The following LPAR1 variants were observed in gnomAD, a reference collection of about 807,000 sequenced individuals.
LPAR1 encodes the protein LPA receptor 1.
Under a neutral mutation model 23.8 loss-of-function variants are expected in LPAR1, and 5 were observed. That is an observed-to-expected ratio of 0.21 (90% confidence interval 0.11 to 0.44). The LOEUF is 0.44. Ranked by LOEUF, LPAR1 falls within the 20% of genes least tolerant of loss-of-function variation. LPAR1 has a pLI of 0.99. For synonymous variants in LPAR1, 160 were observed against 164.7 expected, an observed-to-expected ratio of 0.97 and a Z score of 0.22; for missense variants, 311 against 482.8, an observed-to-expected ratio of 0.64 and a Z score of 3.33.
At chr9:111,007,658 CA>C (rs1204491204) in intron 2 of LPAR1, among the ~76,000 whole-genome samples, 1 of 152,094 alleles carries the variant, frequency 6.6e-6, no homozygotes, top group Non-Finnish European at 1.5e-5. Flanking sequence ...GCACTGTGAT[CA>C]GGGGTTTCAG....
rs1421479710 is a variant in LPAR1 at position 110,941,401 on chromosome 9, A to G, written c.793+20T>C. ...TCACTGAGAATCTATAAAGTAAGTT[A>G]CAGTCAAGACAGAACTTACCAAGCA... On this transcript the variant is annotated intron_variant, in intron 5 of 5. Transcript: ENST00000683809. This position sits in a 1 kb window ranked among gnomAD's most constrained non-coding sequence, Gnocchi z 6.1. 1 of 1,578,602 alleles carries G rather than the reference A, an allele frequency of 6.3e-7. No individual in the cohort carries two copies. The highest frequency in any genetic ancestry group is 8.6e-7 in the Non-Finnish European group (1 of 1,162,714).
chr9:110,944,297 G>A (rs1261507032), intron 4 of LPAR1, among the ~76,000 whole-genome samples: 1 of 152,056 alleles, frequency 6.6e-6, no homozygotes, highest in Non-Finnish European at 1.5e-5. Context: ...CCCTATAAAC[G>A]CAGAGATTCT....
chr9:110,969,134 G>A (rs1489253684), intron 4 of LPAR1, among the ~76,000 whole-genome samples: 1 of 152,060 alleles, frequency 6.6e-6, no homozygotes, highest in African/African-American at 2.4e-5. Flanking sequence ...TAAGGAATAA[G>A]ATTTTGTTGG....
intron 2 of LPAR1, among the ~76,000 whole-genome samples, chr9:111,035,378 T>C (rs1023827917): frequency 5.3e-5 from 8 of 152,054 alleles, no homozygotes; most frequent in African/African-American, 1.9e-4. Flanking sequence ...CATGCCACCA[T>C]ACCCAGCTAA....
chr9:111,006,959 A>T (rs1273838068), intron 2 of LPAR1, among the ~76,000 whole-genome samples: 1 of 152,058 alleles, frequency 6.6e-6, no homozygotes, highest in Non-Finnish European at 1.5e-5. Context: ...ATGGTTCTGG[A>T]ACATTCTCTT....
In LPAR1 at chr9:111,013,122, A is replaced by G. The variant is rs114593316; in HGVS notation, c.-182+23000T>C. The stretch of plus-strand genomic sequence containing the variant: ...TTTTTTAATTCCAGGATAAGGATCA[A>G]ATTTATTTCCTCATAGAACAAGAAG... On this transcript the variant is annotated intron_variant, in intron 2 of 5. Coordinates refer to ENST00000683809, the MANE Select transcript of LPAR1 (RefSeq NM_001351411.2). Among the ~76,000 whole-genome samples, 674 of 152,290 alleles carry G rather than the reference A, an allele frequency of 4.4e-3. 7 individuals are homozygous for G. The highest frequency in any genetic ancestry group is 0.017 in the Middle Eastern group (5 of 294).
chr9:110,893,779 A>G (rs2085334096), intron 5 of LPAR1, among the ~76,000 whole-genome samples: 2 of 152,180 alleles, frequency 1.3e-5, no homozygotes, highest in Admixed American at 6.5e-5. Flanking sequence ...TTTGTAACCA[A>G]AAGTGGTATG....
At chr9:111,038,734 C>T (rs1251212889), upstream of LPAR1, 7 of 442,466 alleles carry the variant, frequency 1.6e-5, no homozygotes, top group Admixed American at 1.7e-4. The surrounding 1 kb of genome is among the most constrained non-coding windows in gnomAD (Gnocchi z 4.4). Context: ...GTGGCAGGGC[C>T]GGGGCTGGGG....
rs563615830 is a variant in LPAR1, at chr9:110,918,291, T to C, written c.793+23130A>G. 8.5e-5 allele frequency among the ~76,000 whole-genome samples: 13 copies of C among 152,298 alleles called. No homozygotes were observed. In the South Asian group the frequency reaches 2.7e-3, roughly 32 times the overall value. On this transcript the variant is annotated intron_variant, in intron 5 of 5. Transcript: ENST00000683809. ...CTCTGTACACTTCTGTAAGACTGTT[T>C]ATGTAAGACTGCTATTGGACATAAG...
At chr9:110,992,268 T>C (rs2139711015) in intron 2 of LPAR1, among the ~76,000 whole-genome samples, 1 of 152,014 alleles carries the variant, frequency 6.6e-6, no homozygotes, top group Non-Finnish European at 1.5e-5. Context: ...AGAAGAGCAA[T>C]TAGGAAAAAT....
chr9:111,003,242 AT>A (rs1387531993), intron 2 of LPAR1, among the ~76,000 whole-genome samples: 1 of 152,204 alleles, frequency 6.6e-6, no homozygotes, highest in Non-Finnish European at 1.5e-5. Flanking sequence ...TATATAAAGT[AT>A]TTAAACCACA....
At chr9:111,024,233 C>T (rs2097634817) in intron 2 of LPAR1, among the ~76,000 whole-genome samples, 1 of 151,578 alleles carries the variant, frequency 6.6e-6, no homozygotes. Context: ...ATCTGAAGGG[C>T]GTAATATTAG....
At chr9:110,931,668 G>A (rs555475634) in intron 5 of LPAR1, among the ~76,000 whole-genome samples, 20 of 152,306 alleles carry the variant, frequency 1.3e-4, no homozygotes, top group Admixed American at 1.3e-3. Context: ...TAACATTTAA[G>A]TCTTTAATCC....
chr9:110,888,666 G>T (rs2083113012), intron 5 of LPAR1, among the ~76,000 whole-genome samples: 1 of 152,038 alleles, frequency 6.6e-6, no homozygotes, highest in African/African-American at 2.4e-5. Flanking sequence ...TTTTAGAGGG[G>T]AATAATATTT....
intron 5 of LPAR1, among the ~76,000 whole-genome samples, chr9:110,927,309 G>C (rs1159767838): frequency 6.6e-6 from 1 of 151,480 alleles, no homozygotes; most frequent in Non-Finnish European, 1.5e-5. Context: ...CATTTGTGTG[G>C]CACTTCCTAT....
rs145814736 is a variant in LPAR1 at position 110,960,984 on chromosome 9, A to T, written c.45+11089T>A. ...AAGGCTAATAACAATATATTTCCTT[A>T]TAAACTTGTTCCATTTCAATTTTTA... On this transcript the variant is annotated intron_variant, in intron 4 of 5. Coordinates refer to ENST00000683809, the MANE Select transcript of LPAR1 (RefSeq NM_001351411.2). Among the ~76,000 whole-genome samples the T allele has an allele frequency of 6.7e-3, 1,021 of 152,302 alleles. 10 individuals are homozygous for T. The highest frequency in any genetic ancestry group is 0.022 in the African/African-American group (921 of 41,566).
Position 110,978,022 on chromosome 9 carries a change from T to C in LPAR1, c.-181-4464A>G, listed in dbSNP as rs184021701. 6.6e-4 allele frequency among the ~76,000 whole-genome samples: 100 copies of C among 152,240 alleles called. No individual in the cohort carries two copies. In the East Asian group the frequency reaches 0.015, roughly 24 times the overall value. On this transcript the variant is annotated intron_variant, in intron 2 of 5. Coordinates refer to ENST00000683809, the MANE Select transcript of LPAR1 (RefSeq NM_001351411.2). ...AAATCCACCAGGCAAATAGAACACA[T>C]TGTGGTTCAGAAAAGGGGAAGATTC...
At chr9:110,919,399 C>G (rs142888517) in intron 5 of LPAR1, among the ~76,000 whole-genome samples, 18 of 152,206 alleles carry the variant, frequency 1.2e-4, no homozygotes, top group African/African-American at 4.3e-4. Flanking sequence ...CCAACTGGTA[C>G]GCAGACTTCA....
intron 5 of LPAR1, among the ~76,000 whole-genome samples, chr9:110,884,742 T>C (rs2081895578): frequency 1.3e-5 from 2 of 152,210 alleles, no homozygotes; most frequent in African/African-American, 2.4e-5. Context: ...ATTTTATCTA[T>C]AGTCTCACAT....
Sources: allele counts gnomAD v4.1 joint callset (sites outside exome capture counted in the v4.1 genomes callset), GRCh38; gene constraint gnomAD v4.1.1; non-coding constraint Gnocchi (gnomAD v3.1); transcripts MANE v1.5; gene names NCBI Gene and HGNC (gene_info 2026-07-23, HGNC 2026-07-21).